Variants in BRAF observed in about 807,000 individuals in gnomAD.
The protein encoded by BRAF is B-Raf proto-oncogene, serine/threonine kinase.
BRAF carries 16 observed loss-of-function variants against 104.6 expected under a neutral mutation model. The observed-to-expected ratio is 0.15, with a 90% CI of 0.10 to 0.23. The LOEUF (loss-of-function observed/expected upper bound fraction) is 0.23. BRAF is among the 10% of genes least tolerant of loss of function. BRAF has a pLI of 1.00. For missense variants in BRAF, 541 were observed against 937.3 expected (o/e 0.58, Z 5.52); for synonymous variants, 310 against 341.6 (o/e 0.91, Z 1.02).
At chr7:140,810,460 C>T (rs937348256) in intron 3 of BRAF, among the ~76,000 whole-genome samples, 2 of 152,170 alleles carry the variant, frequency 1.3e-5, no homozygotes, top group Non-Finnish European at 2.9e-5. Flanking sequence ...ATCCCAGCTA[C>T]TCAGGTGGCT....
At chr7:140,801,813 C>CA (rs1803144402) in intron 5 of BRAF, among the ~76,000 whole-genome samples, 3 of 151,918 alleles carry the variant, frequency 2.0e-5, no homozygotes, top group Admixed American at 2.0e-4. Context: ...AAAAGGCTGG[C>CA]AACTGATTTC....
At chr7:140,742,126 G>T (rs147252244) in intron 17 of BRAF, among the ~76,000 whole-genome samples, 3 of 152,122 alleles carry the variant, frequency 2.0e-5, no homozygotes, top group African/African-American at 7.2e-5. Flanking sequence ...CTTTAAATTA[G>T]AGTCAAGTAT....
Position 140,850,161 on chromosome 7 carries a change from G to A in BRAF, c.190C>T (p.Leu64=), listed in dbSNP as rs1415521257. 3 of 1,611,750 alleles carry A rather than the reference G, an allele frequency of 1.9e-6. No individual in the cohort carries two copies. The African/African-American group carries it at 4.0e-5, about 22-fold the overall frequency. Residue 64 remains leucine (L), a synonymous_variant, in exon 2 of 20, where the codon CTA becomes TTA. Coordinates refer to ENST00000644969, the MANE Select transcript of BRAF (RefSeq NM_001374258.1). ...TGCTCCCCACCAAATTTGTCCAATAGGGCCTCTATATGTTCCTGTGTCAAC... is the reference window on the plus strand; with the variant it reads ...TGCTCCCCACCAAATTTGTCCAATAAGGCCTCTATATGTTCCTGTGTCAAC... ...IKLTQEHIEA[L]LDKFGGEHNP...
intron 6 of BRAF, 33 bp downstream of exon 6, chr7:140,801,379 T>C: frequency 6.2e-7 from 1 of 1,609,960 alleles, no homozygotes. Flanking sequence ...TGTAAAATGG[T>C]AGGTAGAAAA....
intron 3 of BRAF, among the ~76,000 whole-genome samples, chr7:140,813,684 T>C (rs1441456850): frequency 1.3e-5 from 2 of 152,150 alleles, no homozygotes; most frequent in African/African-American, 4.8e-5. Flanking sequence ...GTTGTATATA[T>C]ATAAAAAATT....
At chr7:140,921,564 G>A (rs1183713000) in intron 1 of BRAF, among the ~76,000 whole-genome samples, 2 of 151,868 alleles carry the variant, frequency 1.3e-5, no homozygotes, top group Non-Finnish European at 2.9e-5. Flanking sequence ...CTAATAATAC[G>A]TAGAAATTTT....
At chr7:140,765,479 C>T (rs185156951) in intron 14 of BRAF, among the ~76,000 whole-genome samples, 4,196 of 152,170 alleles carry the variant, frequency 0.028, 205 homozygotes, top group African/African-American at 0.094. Flanking sequence ...AGCTTCTGCA[C>T]AGCAAAAGAA....
At chr7:140,880,858 T>C (rs999185612) in intron 1 of BRAF, among the ~76,000 whole-genome samples, 14 of 151,252 alleles carry the variant, frequency 9.3e-5, no homozygotes, top group African/African-American at 3.4e-4. Context: ...TAGTCCCACC[T>C]ACTCAGGCAG....
At chr7:140,883,799 C>G (rs1012053088) in intron 1 of BRAF, among the ~76,000 whole-genome samples, 1 of 152,184 alleles carries the variant, frequency 6.6e-6, no homozygotes, top group Non-Finnish European at 1.5e-5. Flanking sequence ...TATGGATTGT[C>G]TCTGTTCTGG....
intron 14 of BRAF, among the ~76,000 whole-genome samples, chr7:140,769,642 T>C (rs1049711033): frequency 2.6e-5 from 4 of 152,246 alleles, no homozygotes; most frequent in Non-Finnish European, 5.9e-5. Context: ...ACGATTCTAC[T>C]GTATGTAAGT....
chr7:140,724,122 T>C lies in BRAF; in HGVS notation c.*2372A>G. On this transcript the variant is annotated 3_prime_UTR_variant, in exon 20 of 20. Coordinates refer to ENST00000644969, the MANE Select transcript of BRAF (RefSeq NM_001374258.1). ...AATGAGATACCAGCCTATTCTAAAATGCAAGGGAAGAAAAAGTGTATCACC... is the reference window on the plus strand; with the variant it reads ...AATGAGATACCAGCCTATTCTAAAACGCAAGGGAAGAAAAAGTGTATCACC... The C allele has an allele frequency of 9.5e-7, 1 of 1,052,554 alleles. No individual in the cohort carries two copies. The highest frequency in any genetic ancestry group is 1.1e-6 in the Non-Finnish European group (1 of 871,308). The allele number at this position is 1,052,554 out of a possible 1,614,324, so 65.2% of individuals were successfully genotyped here. A position where few individuals can be genotyped will look rare whatever the true frequency, so the allele number is the denominator to read the frequency against.
intron 14 of BRAF, among the ~76,000 whole-genome samples, chr7:140,762,800 G>GTGA (rs1002537726): frequency 2.0e-5 from 3 of 152,060 alleles, no homozygotes; most frequent in African/African-American, 7.2e-5. Context: ...TTAGGGAGTG[G>GTGA]TGATGACTCT....
At chr7:140,915,379 C>T (rs1817504811) in intron 1 of BRAF, among the ~76,000 whole-genome samples, 1 of 149,140 alleles carries the variant, frequency 6.7e-6, no homozygotes, top group African/African-American at 2.5e-5. Context: ...ATATTTAGTG[C>T]AAGAAAAAAT....
At chr7:140,923,224 T>C (rs1156330202) in intron 1 of BRAF, among the ~76,000 whole-genome samples, 1 of 151,944 alleles carries the variant, frequency 6.6e-6, no homozygotes, top group East Asian at 1.9e-4. Context: ...GAATGAGATG[T>C]TATGAGAATT....
intron 1 of BRAF, among the ~76,000 whole-genome samples, chr7:140,852,024 A>C (rs1809219114): frequency 6.6e-6 from 1 of 152,170 alleles, no homozygotes; most frequent in African/African-American, 2.4e-5. Flanking sequence ...TGCTACTCAA[A>C]GTGTGGGTCC....
intron 2 of BRAF, 25 bp downstream of exon 2, chr7:140,850,086 C>T (rs773183017): frequency 3.8e-5 from 57 of 1,490,036 alleles, no homozygotes; most frequent in Non-Finnish European, 4.7e-5. Context: ...TTCAAAATTA[C>T]TAGATATGAT....
chr7:140,906,879 A>G (rs1055520654), intron 1 of BRAF, among the ~76,000 whole-genome samples: 3 of 152,164 alleles, frequency 2.0e-5, no homozygotes, highest in African/African-American at 7.2e-5. Context: ...CAGTTTTCCT[A>G]TGATTTGTCT....
chr7:140,761,982 C>A (rs10251485), intron 14 of BRAF, among the ~76,000 whole-genome samples: 45,352 of 151,960 alleles, frequency 0.3, 10,795 homozygotes, highest in African/African-American at 0.66. Context: ...CAGATCAACG[C>A]GACAGAAAGT....
chr7:140,808,834 A>T lies in BRAF; in HGVS notation c.608+58T>A. 13 of 1,414,356 alleles carry T rather than the reference A, an allele frequency of 9.2e-6. No homozygotes were observed. In the South Asian group the frequency reaches 1.5e-4, roughly 16 times the overall value. The allele number at this position is 1,414,356 out of a possible 1,614,324, so 87.6% of individuals were successfully genotyped here. On this transcript the variant is annotated intron_variant, in intron 4 of 19. Coordinates refer to ENST00000644969, the MANE Select transcript of BRAF (RefSeq NM_001374258.1). The stretch of plus-strand genomic sequence containing the variant: ...TTGGTAAAGATCCTAAGAAAACTTC[A>T]AAGTTTAATGTGTGATTTTCTTTTT...
Sources: allele counts gnomAD v4.1 joint callset (sites outside exome capture counted in the v4.1 genomes callset), GRCh38; gene constraint gnomAD v4.1.1; transcripts MANE v1.5; gene names NCBI Gene and HGNC (gene_info 2026-07-23, HGNC 2026-07-21).